The following SPATA9 variants were observed in gnomAD, a reference collection of about 807,000 sequenced individuals.
SPATA9 encodes spermatogenesis associated 9, also known as spermatogenesis-associated protein 9.
SPATA9 carries 27 observed loss-of-function variants against 25.5 expected under a neutral mutation model. The ratio of observed to expected loss-of-function variants is 1.06; its 90% CI spans 0.78 to 1.46. SPATA9 has a LOEUF of 1.46. Among genes scored for constraint, SPATA9 ranks in the 40% most tolerant of loss-of-function variants. SPATA9 has a pLI of 0.00. For missense variants in SPATA9, 282 were observed against 297.5 expected, an observed-to-expected ratio of 0.95 and a Z score of 0.38; for synonymous variants, 102 against 105.7, an observed-to-expected ratio of 0.97 and a Z score of 0.21.
intron 4 of SPATA9, among the ~76,000 whole-genome samples, chr5:95,663,543 CT>C (rs1275955479): frequency 6.6e-6 from 1 of 151,770 alleles, no homozygotes; most frequent in African/African-American, 2.4e-5. Context: ...ATTAAAAAAT[CT>C]TTTATATTTT....
the SPATA9 span, chr5:95,731,247 G>T: frequency 3.0e-6 from 3 of 1,004,396 alleles, no homozygotes; most frequent in Non-Finnish European, 3.6e-6. Context: ...GGGCTGGCAC[G>T]TGCTGCGCCC....
At chr5:95,687,894 G>C (rs1396685648), upstream of SPATA9, among the ~76,000 whole-genome samples, 3 of 152,172 alleles carry the variant, frequency 2.0e-5, no homozygotes, top group Non-Finnish European at 4.4e-5. Context: ...GCTTTTACAT[G>C]ATAGGCACTC....
At chr5:95,698,414 A>G (rs1754092709) in intron 1 of SPATA9, among the ~76,000 whole-genome samples, 1 of 152,188 alleles carries the variant, frequency 6.6e-6, no homozygotes, top group Non-Finnish European at 1.5e-5. Flanking sequence ...CTGAAGGGGC[A>G]GTGTCAGGCA....
At chr5:95,669,919 T>C (rs1333452697) in intron 3 of SPATA9, among the ~76,000 whole-genome samples, 3 of 152,156 alleles carry the variant, frequency 2.0e-5, no homozygotes, top group African/African-American at 7.2e-5. Context: ...TGCAGTCTCA[T>C]TCCTGCAGAA....
the SPATA9 span, among the ~76,000 whole-genome samples, chr5:95,705,751 A>G: frequency 6.6e-6 from 1 of 152,334 alleles, no homozygotes; most frequent in South Asian, 2.1e-4. Flanking sequence ...TTCATTTTCA[A>G]TGATTATTTT....
chr5:95,675,947 G>T (rs952722107), intron 2 of SPATA9, among the ~76,000 whole-genome samples: 1 of 149,374 alleles, frequency 6.7e-6, no homozygotes, highest in Non-Finnish European at 1.5e-5. Flanking sequence ...TCAGCCTCCC[G>T]AGTAACTGGG....
chr5:95,724,872 T>C, the SPATA9 span, among the ~76,000 whole-genome samples: 1 of 152,104 alleles, frequency 6.6e-6, no homozygotes, highest in Non-Finnish European at 1.5e-5. Flanking sequence ...GCCTGGTACA[T>C]GGTAAGTATA....
At chr5:95,698,361 T>C (rs945536581) in intron 1 of SPATA9, among the ~76,000 whole-genome samples, 1 of 152,120 alleles carries the variant, frequency 6.6e-6, no homozygotes, top group Non-Finnish European at 1.5e-5. Flanking sequence ...GATGCAAGCA[T>C]CTGTGAAGGG....
chr5:95,676,098 A>G (rs1752926019), intron 2 of SPATA9, among the ~76,000 whole-genome samples: 1 of 152,174 alleles, frequency 6.6e-6, no homozygotes, highest in East Asian at 1.9e-4. Flanking sequence ...CTGGGATTAC[A>G]GGTGTGAGCC....
chr5:95,664,732 A>G (rs1230039995), intron 3 of SPATA9, among the ~76,000 whole-genome samples: 1 of 152,172 alleles, frequency 6.6e-6, no homozygotes, highest in African/African-American at 2.4e-5. Flanking sequence ...GGACTTTAGG[A>G]AATACATTCC....
the SPATA9 span, among the ~76,000 whole-genome samples, chr5:95,722,681 G>C: frequency 2.0e-5 from 3 of 152,158 alleles, no homozygotes; most frequent in Non-Finnish European, 4.4e-5. Flanking sequence ...GTAGAGGCAG[G>C]GTTTCACCTT....
chr5:95,726,777 A>G, the SPATA9 span, among the ~76,000 whole-genome samples: 1 of 152,196 alleles, frequency 6.6e-6, no homozygotes, highest in Non-Finnish European at 1.5e-5. Context: ...CCTTAGAAAC[A>G]GAAACTGCAA....
rs1366025876 is a variant in SPATA9 at position 95,682,595 on chromosome 5, A to G, written c.83T>C (p.Ile28Thr). 2.5e-6 allele frequency: 4 copies of G among 1,613,698 alleles called. No homozygotes were observed. The highest frequency in any genetic ancestry group is 3.4e-6 in the Non-Finnish European group (4 of 1,179,858). Residue 28 changes from isoleucine (I) to threonine (T), a missense_variant, in exon 2 of 5, where the codon ATC (isoleucine) becomes ACC (threonine). Coordinates refer to ENST00000274432, the MANE Select transcript of SPATA9 (RefSeq NM_031952.4). ...TTTAAACTCATCTACAAGGTCCATG[A>G]TTGCTTTCTGGATCCCCTCGACTAA... ...SGRIEGIQKA[I>T]MDLVDEFKDE...
chr5:95,664,627 C>CTAGTTTCT lies in SPATA9; in HGVS notation c.379-580_379-579insAGAAACTA, dbSNP rs1170699981. 1.9e-4 allele frequency among the ~76,000 whole-genome samples: 29 copies of CTAGTTTCT among 152,308 alleles called. No homozygotes were observed. The East Asian group carries it at 5.2e-3, about 27-fold the overall frequency. ...CCTCTCCTGTGTTTCTAGTTTCTGG[C>CTAGTTTCT]AGTAGGTGTACCGGCCTGAAACATA... On this transcript the variant is annotated intron_variant, in intron 3 of 4. Coordinates refer to ENST00000274432, the MANE Select transcript of SPATA9 (RefSeq NM_031952.4).
upstream of SPATA9, among the ~76,000 whole-genome samples, chr5:95,684,958 G>GT (rs1268122268): frequency 6.6e-6 from 1 of 152,104 alleles, no homozygotes; most frequent in East Asian, 1.9e-4. Context: ...CAGAACTTTT[G>GT]TTTTGCACAC....
chr5:95,652,584 G>C (rs1055526897), downstream of SPATA9: 1 of 376,460 alleles, frequency 2.7e-6, no homozygotes, highest in African/African-American at 2.1e-5. Context: ...CCTAAAACTT[G>C]GGAGTCATCT....
At chr5:95,676,016 T>G (rs1242667937) in intron 2 of SPATA9, among the ~76,000 whole-genome samples, 1 of 152,006 alleles carries the variant, frequency 6.6e-6, no homozygotes, top group Admixed American at 6.6e-5. Flanking sequence ...TAGACCGAGT[T>G]TCACCATGCT....
intron 3 of SPATA9, among the ~76,000 whole-genome samples, chr5:95,672,943 A>G (rs1397581061): frequency 1.3e-5 from 2 of 152,220 alleles, no homozygotes; most frequent in African/African-American, 4.8e-5. Context: ...ACATGTTTGA[A>G]TAGCAAACAG....
At chr5:95,708,541 G>C in the SPATA9 span, 1 of 694,932 alleles carries the variant, frequency 1.4e-6, no homozygotes, top group Non-Finnish European at 2.6e-6. Context: ...TGTCCAATCA[G>C]GGCAGAAAAA....
Sources: gnomAD v4.1 joint callset for allele counts (sites outside exome capture counted in the v4.1 genomes callset) on GRCh38, gnomAD v4.1.1 for gene constraint, MANE v1.5 for transcripts, NCBI Gene and HGNC (gene_info 2026-07-23, HGNC 2026-07-21) for gene names.